MAST4: variants seen among roughly 807,000 people sequenced by gnomAD.
MAST4 encodes microtubule associated serine/threonine kinase family member 4.
A neutral mutation model predicts 162.7 loss-of-function variants in MAST4; 89 were observed. The ratio of observed to expected loss-of-function variants is 0.55; its 90% CI spans 0.46 to 0.65. The LOEUF (loss-of-function observed/expected upper bound fraction) is 0.65. Ranked by LOEUF, MAST4 falls within the 30% of genes least tolerant of loss-of-function variation. The pLI is 0.00. For missense variants in MAST4, 3,153 were observed against 3,374.0 expected, an observed-to-expected ratio of 0.93 and a Z score of 1.62; for synonymous variants, 1,479 against 1,361.1, an observed-to-expected ratio of 1.09 and a Z score of -1.91.
chr5:66,597,014 A>T lies in MAST4; in HGVS notation c.359A>T (p.Glu120Val). Residue 120 changes from glutamate (E) to valine (V), a missense_variant, in exon 1 of 29, where the codon GAG (glutamate) becomes GTG (valine). Physicochemically the swap from Glu to Val is moderately radical, Grantham distance 121 (BLOSUM62 -2). Transcript: ENST00000403625. ...GSSASQEEQD[E>V]ELDHILSPPP... ...AGCGCGTCCCAGGAGGAGCAGGACG[A>T]GGAGGTGGGCCTTTCCCCAGCTTGC... The T allele has an allele frequency of 6.9e-7, 1 of 1,445,666 alleles. No homozygotes were observed. The allele number at this position is 1,445,666 out of a possible 1,614,324, so 89.6% of individuals were successfully genotyped here.
At chr5:66,718,457 C>T (rs905445664) in intron 1 of MAST4, among the ~76,000 whole-genome samples, 1 of 151,944 alleles carries the variant, frequency 6.6e-6, no homozygotes, top group Non-Finnish European at 1.5e-5. Context: ...CCAGGAGAGG[C>T]TGATATGAGA....
chr5:67,111,227 G>T (rs1766197866), intron 11 of MAST4, among the ~76,000 whole-genome samples: 1 of 152,036 alleles, frequency 6.6e-6, no homozygotes, highest in African/African-American at 2.4e-5. Context: ...GGTTATTAAA[G>T]TAATTATAAC....
intron 3 of MAST4, among the ~76,000 whole-genome samples, chr5:66,851,441 C>T (rs1759307568): frequency 6.6e-6 from 1 of 152,194 alleles, no homozygotes; most frequent in Non-Finnish European, 1.5e-5. Context: ...ATTTTTGTTA[C>T]ACAAAATTTA....
At chr5:67,078,916 A>ATT (rs1561621998) in intron 5 of MAST4, among the ~76,000 whole-genome samples, 667 of 65,600 alleles carry the variant, frequency 0.01, 12 homozygotes, top group African/African-American at 0.038. Flanking sequence ...ATATAAATAT[A>ATT]TATATATATA....
intron 3 of MAST4, among the ~76,000 whole-genome samples, chr5:66,867,279 G>T (rs1358813145): frequency 6.6e-6 from 1 of 152,046 alleles, no homozygotes; most frequent in Non-Finnish European, 1.5e-5. Flanking sequence ...AAAGAATTAG[G>T]CTTTTATAAA....
chr5:66,624,669 A>G (rs181290245), intron 1 of MAST4, among the ~76,000 whole-genome samples: 2 of 152,328 alleles, frequency 1.3e-5, no homozygotes, highest in East Asian at 1.9e-4. Flanking sequence ...AGTAATCACA[A>G]CAGCATGGTA....
chr5:67,040,374 T>C (rs1561564539), intron 4 of MAST4, among the ~76,000 whole-genome samples: 1 of 152,210 alleles, frequency 6.6e-6, no homozygotes, highest in Non-Finnish European at 1.5e-5. Flanking sequence ...AAGTGCCTGG[T>C]TGACCTGGGT....
chr5:66,709,283 A>G (rs908017844), intron 1 of MAST4, among the ~76,000 whole-genome samples: 5 of 152,202 alleles, frequency 3.3e-5, no homozygotes, highest in South Asian at 2.1e-4. Flanking sequence ...TATAGGCACC[A>G]GGGAATTTGT....
Position 67,165,066 on chromosome 5 carries a change from C to A in MAST4, c.5887C>A (p.Pro1963Thr). 6.2e-7 allele frequency: 1 copy of A among 1,602,056 alleles called. No individual in the cohort carries two copies. Among genetic ancestry groups the A allele is most frequent in the Non-Finnish European group, 8.5e-7 (1 of 1,174,392 alleles). ...PRCPLPPEAS[P>T]SREKPGLRES... ...CTGCCCGCTCCCACCTGAAGCTTCC[C>A]CCTCAAGGGAGAAGCCAGGCCTGAG... The change falls in exon 29 of 29, where the codon CCC becomes ACC. Residue 1963 changes from proline to threonine, a missense_variant. Coordinates refer to ENST00000403625, the MANE Select transcript of MAST4 (RefSeq NM_001164664.2).
intron 4 of MAST4, among the ~76,000 whole-genome samples, chr5:67,049,948 G>C (rs1757966976): frequency 6.6e-6 from 1 of 152,172 alleles, no homozygotes; most frequent in Non-Finnish European, 1.5e-5. Context: ...GGAGACAAGT[G>C]GCAGACCCAG....
At chr5:66,801,870 A>G (rs1438173865) in intron 3 of MAST4, among the ~76,000 whole-genome samples, 4 of 152,206 alleles carry the variant, frequency 2.6e-5, no homozygotes, top group Admixed American at 6.5e-5. Flanking sequence ...TCTTTTCCAG[A>G]TGTAAGACAT....
intron 3 of MAST4, among the ~76,000 whole-genome samples, chr5:66,868,273 G>A (rs36142): frequency 0.53 from 79,912 of 151,760 alleles, 22,764 homozygotes; most frequent in Non-Finnish European, 0.64. Flanking sequence ...TTTCAGGTAG[G>A]ATCTCCCTAT....
rs770725746 is a variant in MAST4 at position 67,118,697 on chromosome 5, G to C, written c.1607G>C (p.Gly536Ala). 6.4e-7 allele frequency: 1 copy of C among 1,572,990 alleles called. No individual in the cohort carries two copies. Among genetic ancestry groups the C allele is most frequent in the Non-Finnish European group, 8.7e-7 (1 of 1,155,890 alleles). Residue 536 changes from glycine to alanine, a missense_variant, in exon 13 of 29, where the codon GGA becomes GCA. Coordinates refer to ENST00000403625, the MANE Select transcript of MAST4 (RefSeq NM_001164664.2). Reference sequence around the variant, plus strand: ...TCCAACTTAGAAATGGCTCATTTGGGAAACTACGATAGTGGGACAGCAGAA... The same window carrying C: ...TCCAACTTAGAAATGGCTCATTTGGCAAACTACGATAGTGGGACAGCAGAA... The part of the protein sequence containing the change: ...KDPLEEMAHL[G>A]NYDSGTAETP...
At chr5:67,151,895 G>A (rs1050944643) in intron 24 of MAST4, among the ~76,000 whole-genome samples, 5 of 151,188 alleles carry the variant, frequency 3.3e-5, no homozygotes, top group South Asian at 2.1e-4. Context: ...AGTCTCCCAC[G>A]TAGCTGGGAC....
chr5:66,658,376 A>G (rs983673110), intron 1 of MAST4, among the ~76,000 whole-genome samples: 1 of 152,186 alleles, frequency 6.6e-6, no homozygotes, highest in African/African-American at 2.4e-5. Context: ...ATTTCCAGCC[A>G]AGTTTTATGT....
At chr5:67,135,141 A>G (rs575773443) in intron 18 of MAST4, among the ~76,000 whole-genome samples, 1 of 152,214 alleles carries the variant, frequency 6.6e-6, no homozygotes, top group Non-Finnish European at 1.5e-5. Context: ...ACAAATGTCT[A>G]CCAAATAATA....
chr5:67,018,560 G>A (rs1753597628), intron 4 of MAST4, among the ~76,000 whole-genome samples: 1 of 152,082 alleles, frequency 6.6e-6, no homozygotes, highest in Non-Finnish European at 1.5e-5. Flanking sequence ...AAACTTGTAA[G>A]AAACCAGATA....
At chr5:67,062,129 C>T (rs551188958) in intron 5 of MAST4, among the ~76,000 whole-genome samples, 3 of 152,218 alleles carry the variant, frequency 2.0e-5, no homozygotes, top group South Asian at 4.2e-4. Flanking sequence ...GGGCTGGGCG[C>T]GGTGGCTCAC....
intron 4 of MAST4, among the ~76,000 whole-genome samples, chr5:67,039,654 G>T (rs1404668567): frequency 1.3e-5 from 2 of 152,172 alleles, no homozygotes; most frequent in Non-Finnish European, 2.9e-5. Context: ...ATCTGAAAGT[G>T]ACTGAAACCA....
Sources: gnomAD v4.1 joint callset for allele counts (sites outside exome capture counted in the v4.1 genomes callset) on GRCh38, gnomAD v4.1.1 for gene constraint, MANE v1.5 for transcripts, NCBI Gene and HGNC (gene_info 2026-07-23, HGNC 2026-07-21) for gene names.